Variants in TRAK1 observed in about 807,000 individuals in gnomAD.
TRAK1 encodes the protein trafficking kinesin-binding protein 1.
A neutral mutation model predicts 92.1 loss-of-function variants in TRAK1; 33 were observed. That is an observed-to-expected ratio of 0.36 (90% CI 0.27 to 0.48). The LOEUF (loss-of-function observed/expected upper bound fraction) is 0.48. TRAK1 is among the 20% of genes least tolerant of loss of function. The pLI is 0.99. For synonymous variants in TRAK1, 521 were observed against 517.3 expected, an observed-to-expected ratio of 1.01 and a Z score of -0.10; for missense variants, 1,123 against 1,257.9, an observed-to-expected ratio of 0.89 and a Z score of 1.62.
chr3:42,017,502 C>A (rs570449238), intron 1 of TRAK1, among the ~76,000 whole-genome samples: 11 of 152,178 alleles, frequency 7.2e-5, no homozygotes, highest in African/African-American at 2.7e-4. Flanking sequence ...CCTTTTCCCC[C>A]CTTCTTTTCA....
chr3:42,109,715 A>G (rs970162027), intron 1 of TRAK1, among the ~76,000 whole-genome samples: 8 of 152,160 alleles, frequency 5.3e-5, no homozygotes, highest in South Asian at 2.1e-4. Flanking sequence ...ATGCCCATCA[A>G]TGATAGACTG....
At chr3:42,203,663 C>T (rs73831718) in intron 13 of TRAK1, 71,625 of 985,180 alleles carry the variant, frequency 0.073, 2,644 homozygotes, top group Non-Finnish European at 0.076. Flanking sequence ...GTTACACTTA[C>T]GATGCAAAGC....
intron 1 of TRAK1, among the ~76,000 whole-genome samples, chr3:42,018,087 CAAAA>C (rs397989329): frequency 8.8e-5 from 10 of 114,270 alleles, no homozygotes; most frequent in African/African-American, 1.4e-4. Context: ...CTCATTGTTA[CAAAA>C]AAAAAAAAAA....
At chr3:42,029,609 G>T (rs1702043498) in intron 1 of TRAK1, among the ~76,000 whole-genome samples, 1 of 150,878 alleles carries the variant, frequency 6.6e-6, no homozygotes, top group South Asian at 2.1e-4. Context: ...GAGTGCTGTG[G>T]TGTGATCTTA....
intron 4 of TRAK1, among the ~76,000 whole-genome samples, chr3:42,185,507 C>T (rs1012920634): frequency 1.3e-5 from 2 of 152,034 alleles, no homozygotes; most frequent in Non-Finnish European, 2.9e-5. Flanking sequence ...GTGGTGTGGA[C>T]AGAGGAGAGC....
intron 2 of TRAK1, among the ~76,000 whole-genome samples, chr3:42,129,637 T>TA (rs1476660265): frequency 1.3e-5 from 2 of 152,096 alleles, no homozygotes; most frequent in African/African-American, 4.8e-5. Flanking sequence ...AAAACAAATA[T>TA]ACCCACAACG....
intron 1 of TRAK1, among the ~76,000 whole-genome samples, chr3:42,100,670 T>A (rs1706621101): frequency 6.6e-6 from 1 of 151,794 alleles, no homozygotes; most frequent in Admixed American, 6.6e-5. Context: ...TACAAGACTT[T>A]ATTTATTTAT....
intron 14 of TRAK1, 90 bp downstream of exon 14, chr3:42,210,075 C>A: frequency 6.3e-7 from 1 of 1,592,524 alleles, no homozygotes; most frequent in Non-Finnish European, 8.5e-7. Flanking sequence ...GCAGGAGCCG[C>A]CAGCGGCCAC....
chr3:42,194,139 T>C (rs7615395), intron 9 of TRAK1, among the ~76,000 whole-genome samples: 8,414 of 152,192 alleles, frequency 0.055, 232 homozygotes, highest in Middle Eastern at 0.075. Context: ...CGTGCAGGTG[T>C]CCAAAAAATG....
intron 1 of TRAK1, among the ~76,000 whole-genome samples, chr3:42,080,329 C>A (rs1298870858): frequency 1.3e-5 from 2 of 152,094 alleles, no homozygotes; most frequent in Non-Finnish European, 2.9e-5. Context: ...CCTGGGCCAC[C>A]CACCCCAGGC....
chr3:42,020,004 G>A (rs1180724652), intron 1 of TRAK1, among the ~76,000 whole-genome samples: 2 of 152,222 alleles, frequency 1.3e-5, no homozygotes, highest in Non-Finnish European at 2.9e-5. Flanking sequence ...ATCAGGGAGA[G>A]AGTGACTGAA....
intron 1 of TRAK1, among the ~76,000 whole-genome samples, chr3:42,042,019 CA>C (rs1424725199): frequency 1.3e-5 from 2 of 152,034 alleles, no homozygotes; most frequent in Non-Finnish European, 2.9e-5. Flanking sequence ...CTTGAACTCC[CA>C]ACCTCAGGTG....
At chr3:42,178,084 C>G (rs2149367688) in intron 3 of TRAK1, among the ~76,000 whole-genome samples, 1 of 152,336 alleles carries the variant, frequency 6.6e-6, no homozygotes, top group African/African-American at 2.4e-5. Context: ...TTTCCCCCAA[C>G]AGTGCTCTCC....
chr3:42,115,774 C>T (rs574871412), intron 1 of TRAK1, among the ~76,000 whole-genome samples: 1 of 152,336 alleles, frequency 6.6e-6, no homozygotes, highest in South Asian at 2.1e-4. Context: ...AGCTGTCCCT[C>T]AGTGGGGAGA....
chr3:42,184,820 A>C lies in TRAK1; in HGVS notation c.480+19A>C. 6.2e-7 allele frequency: 1 copy of C among 1,601,114 alleles called. No homozygotes were observed. The highest frequency in any genetic ancestry group is 8.5e-7 in the Non-Finnish European group (1 of 1,170,498). Reference sequence around the variant, plus strand: ...GGAGGAGGTAAGACATTGGAGGCCGAGGCTTCCAGAGGGGCCCGCCACAGG... The same window carrying C: ...GGAGGAGGTAAGACATTGGAGGCCGCGGCTTCCAGAGGGGCCCGCCACAGG... On this transcript the variant is annotated intron_variant, in intron 4 of 15. Transcript: ENST00000327628.
intron 1 of TRAK1, among the ~76,000 whole-genome samples, chr3:42,097,151 C>T (rs1183244885): frequency 6.6e-6 from 1 of 152,200 alleles, no homozygotes; most frequent in African/African-American, 2.4e-5. Context: ...TAGCATACAT[C>T]CATCATATTC....
chr3:42,098,048 C>A (rs1031892785), intron 1 of TRAK1, among the ~76,000 whole-genome samples: 2 of 151,804 alleles, frequency 1.3e-5, no homozygotes, highest in African/African-American at 4.8e-5. Flanking sequence ...CCTCTTCTCT[C>A]CTCCATCTCT....
chr3:42,207,606 G>C lies in TRAK1; in HGVS notation c.1745-2161G>C, dbSNP rs1423911492. On this transcript the variant is annotated intron_variant, in intron 13 of 15. Coordinates refer to ENST00000327628, the MANE Select transcript of TRAK1 (RefSeq NM_001042646.3). Reference sequence around the variant, plus strand: ...CTAGGATGGTTTCAAGGAGTGAGCTGATATAATACATGTAAAACAAACTGC... The same window carrying C: ...CTAGGATGGTTTCAAGGAGTGAGCTCATATAATACATGTAAAACAAACTGC... 2.6e-5 allele frequency among the ~76,000 whole-genome samples: 4 copies of C among 152,262 alleles called. No homozygotes were observed. The East Asian group carries it at 7.7e-4, about 29-fold the overall frequency.
chr3:42,210,251 T>G (rs1708858530), intron 14 of TRAK1: 1 of 1,524,422 alleles, frequency 6.6e-7, no homozygotes. Context: ...CTCGTCTGTG[T>G]GGGTGATGAT....
Sources: gnomAD v4.1 joint callset for allele counts (sites outside exome capture counted in the v4.1 genomes callset) on GRCh38, gnomAD v4.1.1 for gene constraint, MANE v1.5 for transcripts, NCBI Gene and HGNC (gene_info 2026-07-23, HGNC 2026-07-21) for gene names.